ATRNL1: variants seen among roughly 807,000 people sequenced by gnomAD.
The protein encoded by ATRNL1 is attractin-like protein 1.
ATRNL1 carries 95 observed loss-of-function variants against 182.7 expected under a neutral mutation model. That is an observed-to-expected ratio of 0.52 (90% CI 0.44 to 0.62). ATRNL1 has a LOEUF of 0.62. ATRNL1 is among the 20% of genes least tolerant of loss of function. The probability of loss-of-function intolerance (pLI) is 0.00; values close to 1 mark genes in which losing one functional copy is unlikely to be tolerated. For missense variants in ATRNL1, 1,471 were observed against 1,679.5 expected, an observed-to-expected ratio of 0.88 and a Z score of 2.17; for synonymous variants, 576 against 568.3, an observed-to-expected ratio of 1.01 and a Z score of -0.19.
At chr10:115,927,031 C>T (rs1455598741) in intron 28 of ATRNL1, among the ~76,000 whole-genome samples, 2 of 151,934 alleles carry the variant, frequency 1.3e-5, no homozygotes, top group African/African-American at 2.4e-5. Flanking sequence ...AATACTGGCA[C>T]ACCAAATCCA....
At chr10:115,507,535 GT>G (rs1213582919) in intron 24 of ATRNL1, among the ~76,000 whole-genome samples, 1 of 152,010 alleles carries the variant, frequency 6.6e-6, no homozygotes, top group Non-Finnish European at 1.5e-5. Flanking sequence ...AAGAACTAGA[GT>G]CAGAATGCAC....
At chr10:115,095,177 A>G (rs999300477) in intron 1 of ATRNL1, among the ~76,000 whole-genome samples, 1 of 152,092 alleles carries the variant, frequency 6.6e-6, no homozygotes, top group African/African-American at 2.4e-5. Context: ...TCTTCTAGAT[A>G]CTTAATATGA....
chr10:115,269,675 T>A (rs1431167767), intron 13 of ATRNL1, among the ~76,000 whole-genome samples: 1 of 152,108 alleles, frequency 6.6e-6, no homozygotes, highest in Non-Finnish European at 1.5e-5. Context: ...TAAAAATAAA[T>A]AGCATGGATA....
Position 115,268,393 on chromosome 10 carries a change from C to T in ATRNL1, c.2049C>T (p.Cys683=), listed in dbSNP as rs114097459. Residue 683 remains cysteine (C), a synonymous_variant, in exon 13 of 29, where the codon TGC becomes TGT. Coordinates refer to ENST00000355044, the MANE Select transcript of ATRNL1 (RefSeq NM_207303.4). The part of the protein sequence containing the change: ...CASCTANTNG[C]QWCDDKKCIS... ...GCTGTACTGCCAATACAAATGGGTG[C>T]CAATGGTGTGATGACAAGAAATGCA... 3,643 of 1,613,578 alleles carry T rather than the reference C, an allele frequency of 2.3e-3. 62 individuals carry two copies. In the African/African-American group the frequency reaches 0.041, roughly 18 times the overall value.
intron 19 of ATRNL1, among the ~76,000 whole-genome samples, chr10:115,335,978 C>G (rs1309304380): frequency 6.6e-6 from 1 of 152,128 alleles, no homozygotes; most frequent in Non-Finnish European, 1.5e-5. Context: ...GTGCTCTGAT[C>G]CATTTGAAGC....
intron 19 of ATRNL1, among the ~76,000 whole-genome samples, chr10:115,336,914 C>T (rs935435202): frequency 2.7e-5 from 4 of 148,742 alleles, no homozygotes; most frequent in African/African-American, 7.4e-5. Flanking sequence ...GGTGTGATCT[C>T]GGCTCACTGC....
intron 19 of ATRNL1, among the ~76,000 whole-genome samples, chr10:115,360,340 A>C (rs527664519): frequency 1.3e-4 from 19 of 151,850 alleles, no homozygotes; most frequent in African/African-American, 4.3e-4. Context: ...TTGTTTTGAC[A>C]TAAGTCCATG....
At chr10:115,306,160 C>A (rs1853718019) in intron 17 of ATRNL1, among the ~76,000 whole-genome samples, 1 of 152,032 alleles carries the variant, frequency 6.6e-6, no homozygotes. Flanking sequence ...TGGTATAACA[C>A]ACATAACATA....
chr10:115,127,413 A>G (rs150475355), intron 3 of ATRNL1, among the ~76,000 whole-genome samples, 180 bp from the exon 4 acceptor site: 1,613 of 152,296 alleles, frequency 0.011, 21 homozygotes, highest in Non-Finnish European at 0.013. Flanking sequence ...TGGCAGCAGT[A>G]GTAGAACTAA....
At chr10:115,657,705 C>T (rs782734990) in intron 26 of ATRNL1, among the ~76,000 whole-genome samples, 2 of 152,068 alleles carry the variant, frequency 1.3e-5, no homozygotes, top group Admixed American at 6.6e-5. Context: ...ATTGTCATAA[C>T]GGCCACACTG....
intron 5 of ATRNL1, among the ~76,000 whole-genome samples, chr10:115,133,057 G>A (rs1554875636): frequency 1.3e-5 from 2 of 152,034 alleles, no homozygotes; most frequent in African/African-American, 4.8e-5. Flanking sequence ...GGGTTTTTAT[G>A]GTTTTCAGTC....
At chr10:115,546,781 T>C (rs1852682238) in intron 25 of ATRNL1, among the ~76,000 whole-genome samples, 1 of 152,126 alleles carries the variant, frequency 6.6e-6, no homozygotes, top group Non-Finnish European at 1.5e-5. Flanking sequence ...AAAATGTCTC[T>C]AGATACACTG....
At chr10:115,498,916 T>G (rs1849681195) in intron 24 of ATRNL1, among the ~76,000 whole-genome samples, 1 of 152,010 alleles carries the variant, frequency 6.6e-6, no homozygotes, top group Non-Finnish European at 1.5e-5. Context: ...TAAGACTGAA[T>G]GATAAAGTCA....
rs74884071 is a variant in ATRNL1, at chr10:115,941,984, T to C, written c.4019-2674T>C. Among the ~76,000 whole-genome samples, 347 of 152,332 alleles carry C rather than the reference T, an allele frequency of 2.3e-3. 5 individuals are homozygous for C. The East Asian group carries it at 0.027, about 12-fold the overall frequency. On this transcript the variant is annotated intron_variant, in intron 28 of 28. Coordinates refer to ENST00000355044, the MANE Select transcript of ATRNL1 (RefSeq NM_207303.4). ...AATAACTCTAAAACATTCAGGATGATATTTAATATCCTGAAAGAGCAAATT... is the reference window on the plus strand; with the variant it reads ...AATAACTCTAAAACATTCAGGATGACATTTAATATCCTGAAAGAGCAAATT...
At chr10:115,112,368 C>G (rs539301736) in intron 1 of ATRNL1, among the ~76,000 whole-genome samples, 120 of 152,298 alleles carry the variant, frequency 7.9e-4, no homozygotes, top group Middle Eastern at 3.4e-3. Context: ...ATTACACTAG[C>G]TGACTGGTCT....
At chr10:115,580,844 T>C (rs1855025042) in intron 26 of ATRNL1, among the ~76,000 whole-genome samples, 1 of 152,180 alleles carries the variant, frequency 6.6e-6, no homozygotes, top group Admixed American at 6.5e-5. Flanking sequence ...CCTCTATTGA[T>C]TTTTTCAATT....
At chr10:115,168,987 T>C (rs1847171188) in intron 7 of ATRNL1, among the ~76,000 whole-genome samples, 1 of 151,384 alleles carries the variant, frequency 6.6e-6, no homozygotes, top group Non-Finnish European at 1.5e-5. Context: ...AGTTAAGTTT[T>C]GTATATAGTA....
intron 27 of ATRNL1, among the ~76,000 whole-genome samples, chr10:115,799,058 C>T: frequency 6.6e-6 from 1 of 152,022 alleles, no homozygotes; most frequent in Non-Finnish European, 1.5e-5. Context: ...AACTCCTGAC[C>T]TCGTGTTCCG....
intron 26 of ATRNL1, among the ~76,000 whole-genome samples, chr10:115,640,296 T>C (rs1272764699): frequency 6.6e-6 from 1 of 152,190 alleles, no homozygotes; most frequent in African/African-American, 2.4e-5. Flanking sequence ...TACCCAGTAA[T>C]GGGATTGCTG....
Sources: allele counts gnomAD v4.1 joint callset (sites outside exome capture counted in the v4.1 genomes callset), GRCh38; gene constraint gnomAD v4.1.1; transcripts MANE v1.5; gene names NCBI Gene and HGNC (gene_info 2026-07-23, HGNC 2026-07-21).